Variants in USH2A observed in about 807,000 individuals in gnomAD.
The protein encoded by USH2A is usherin.
USH2A carries 443 observed loss-of-function variants against 538.9 expected under a neutral mutation model. The observed-to-expected ratio is 0.82, with a 90% CI of 0.76 to 0.89. USH2A has a LOEUF of 0.89. USH2A is among the 40% of genes least tolerant of loss of function. USH2A has a pLI of 0.00. For missense variants in USH2A, 6,633 were observed against 6,324.8 expected (o/e 1.05, Z -1.65); for synonymous variants, 2,413 against 2,273.5 (o/e 1.06, Z -1.75).
At chr1:215,890,243 T>C (rs1415535597) in intron 40 of USH2A, among the ~76,000 whole-genome samples, 2 of 152,238 alleles carry the variant, frequency 1.3e-5, no homozygotes, top group Non-Finnish European at 2.9e-5. Context: ...TTAGATTTTA[T>C]TGAAAATCTT....
intron 47 of USH2A, among the ~76,000 whole-genome samples, chr1:215,828,159 A>G (rs544186758): frequency 6.6e-6 from 1 of 152,242 alleles, no homozygotes; most frequent in Non-Finnish European, 1.5e-5. Flanking sequence ...TTAAAAATAT[A>G]GGGGGATGCC....
intron 44 of USH2A, among the ~76,000 whole-genome samples, chr1:215,857,445 C>A (rs749205166): frequency 3.9e-5 from 6 of 152,140 alleles, no homozygotes; most frequent in Non-Finnish European, 7.3e-5. Context: ...GCCTGGGAAG[C>A]ATATGGTAGC....
chr1:215,663,579 T>C (rs1657511147), intron 64 of USH2A, among the ~76,000 whole-genome samples: 1 of 152,128 alleles, frequency 6.6e-6, no homozygotes, highest in African/African-American at 2.4e-5. Flanking sequence ...GCATACCTCA[T>C]GCAGCCCTGC....
chr1:215,653,747 G>A (rs150256541), intron 64 of USH2A, among the ~76,000 whole-genome samples: 1 of 152,050 alleles, frequency 6.6e-6, no homozygotes, highest in South Asian at 2.1e-4. Flanking sequence ...TCTATGCCCG[G>A]CTAAGCAAGA....
chr1:216,402,490 A>C (rs2039323856), intron 3 of USH2A, among the ~76,000 whole-genome samples: 1 of 152,048 alleles, frequency 6.6e-6, no homozygotes, highest in South Asian at 2.1e-4. Flanking sequence ...AACAAGGCCA[A>C]CCCTTCTTTC....
chr1:215,934,818 A>C lies in USH2A; in HGVS notation c.7121-23T>G, dbSNP rs111736192. Reference sequence around the variant, plus strand: ...CTACTGATTAAAAAAGAAAATTATTAAAATAAATACATATTTAAGAATTCA... The same window carrying C: ...CTACTGATTAAAAAAGAAAATTATTCAAATAAATACATATTTAAGAATTCA... On this transcript the variant is annotated intron_variant, in intron 37 of 71. Coordinates refer to ENST00000307340, the MANE Select transcript of USH2A (RefSeq NM_206933.4). 646 of 1,570,220 alleles carry C rather than the reference A, an allele frequency of 4.1e-4. 11 individuals are homozygous for C. In the African/African-American group the frequency reaches 6.2e-3, roughly 15 times the overall value.
chr1:216,341,225 T>C (rs1014355840), intron 4 of USH2A, among the ~76,000 whole-genome samples: 4 of 152,042 alleles, frequency 2.6e-5, no homozygotes, highest in African/African-American at 9.7e-5. Context: ...AACCAAATCA[T>C]GAATGAACTC....
chr1:216,017,690 T>C (rs1668750079), intron 32 of USH2A, among the ~76,000 whole-genome samples: 1 of 152,184 alleles, frequency 6.6e-6, no homozygotes, highest in South Asian at 2.1e-4. Context: ...TCAAATATCG[T>C]AGTGAAGATT....
At chr1:215,731,662 C>T (rs183338432) in intron 60 of USH2A, among the ~76,000 whole-genome samples, 112 of 152,294 alleles carry the variant, frequency 7.4e-4, no homozygotes, top group Non-Finnish European at 1.3e-3. Context: ...AGTCACACTT[C>T]TGTGGTCTCA....
chr1:216,351,795 A>C (rs1488616037), intron 4 of USH2A, among the ~76,000 whole-genome samples: 1 of 152,114 alleles, frequency 6.6e-6, no homozygotes, highest in Non-Finnish European at 1.5e-5. Flanking sequence ...AGGATTCAAA[A>C]TCTGGATATA....
Position 215,844,383 on chromosome 1 carries a change from C to T in USH2A, c.9169G>A (p.Val3057Ile). The T allele has an allele frequency of 6.2e-7, 1 of 1,613,732 alleles. No individual in the cohort carries two copies. The highest frequency in any genetic ancestry group is 1.7e-5 in the Admixed American group (1 of 59,902). ...CCAGTCTTGTAGAGCTTATTATTTA[C>T]ATAGATAGAATACTCAGTGACAACA... ...NGVVTEYSIY[V>I]NNKLYKTGMN... is the part of the protein sequence containing the mutation. Residue 3057 changes from valine to isoleucine, a missense_variant, in exon 46 of 72, where the codon GTA becomes ATA. Coordinates refer to ENST00000307340, the MANE Select transcript of USH2A (RefSeq NM_206933.4).
intron 11 of USH2A, among the ~76,000 whole-genome samples, chr1:216,285,446 G>A (rs1222952783): frequency 6.6e-6 from 1 of 152,248 alleles, no homozygotes; most frequent in Non-Finnish European, 1.5e-5. Context: ...GAGGATGTAT[G>A]GAAATGCCTG....
intron 4 of USH2A, among the ~76,000 whole-genome samples, chr1:216,332,856 G>C (rs1003576863): frequency 6.6e-6 from 1 of 152,036 alleles, no homozygotes; most frequent in African/African-American, 2.4e-5. Context: ...ACTCTGGAAA[G>C]GGAAATAATC....
chr1:215,896,896 A>G (rs893374666), intron 40 of USH2A, among the ~76,000 whole-genome samples: 1 of 152,152 alleles, frequency 6.6e-6, no homozygotes, highest in African/African-American at 2.4e-5. Context: ...TAAACACTAC[A>G]CTGACCAAAT....
chr1:215,813,845 C>T lies in USH2A; in HGVS notation c.9630G>A (p.Lys3210=). 1 of 1,613,912 alleles carries T rather than the reference C, an allele frequency of 6.2e-7. No individual in the cohort carries two copies. The highest frequency in any genetic ancestry group is 1.1e-5 in the South Asian group (1 of 91,082). Residue 3210 remains lysine (K), a synonymous_variant, in exon 49 of 72, where the codon AAG becomes AAA. Transcript: ENST00000307340. The part of the protein sequence containing the change: ...PKPGHRCCEE[K]YIPFVLNSTG... ...TAGAATTCAGAACAAACGGGATATACTTTTCTTCACAACAGCGATGTCCAG... is the reference window on the plus strand; with the variant it reads ...TAGAATTCAGAACAAACGGGATATATTTTTCTTCACAACAGCGATGTCCAG...
At position 216,124,264 on chromosome 1, in the gene USH2A, C is replaced by T. The variant is rs570515167; in HGVS notation, c.4628-27051G>A. Among the ~76,000 whole-genome samples, 269 of 152,006 alleles carry T rather than the reference C, an allele frequency of 1.8e-3. 2 individuals carry two copies. The highest frequency in any genetic ancestry group is 0.012 in the South Asian group (60 of 4,822). On this transcript the variant is annotated intron_variant, in intron 21 of 71. Transcript: ENST00000307340. ...TCAGTGTAATGAGCTGAAAACACTG[C>T]GAATTCAGACAACAATATATTAGCC...
At chr1:215,766,115 C>G (rs763356051) in intron 56 of USH2A, among the ~76,000 whole-genome samples, 1 of 152,188 alleles carries the variant, frequency 6.6e-6, no homozygotes, top group Non-Finnish European at 1.5e-5. Context: ...TTGTACATCT[C>G]TGTACATCAC....
intron 32 of USH2A, among the ~76,000 whole-genome samples, chr1:216,045,236 C>T (rs984640951): frequency 5.9e-5 from 9 of 152,114 alleles, no homozygotes; most frequent in Admixed American, 3.3e-4. Flanking sequence ...TAATGTCTCA[C>T]ATGAGAGTCA....
intron 3 of USH2A, among the ~76,000 whole-genome samples, chr1:216,391,891 T>C (rs2039115229): frequency 6.6e-6 from 1 of 152,196 alleles, no homozygotes; most frequent in African/African-American, 2.4e-5. Flanking sequence ...GTGCATATTT[T>C]CAAACAAGAA....
Sources: gnomAD v4.1 joint callset for allele counts (sites outside exome capture counted in the v4.1 genomes callset) on GRCh38, gnomAD v4.1.1 for gene constraint, MANE v1.5 for transcripts, NCBI Gene and HGNC (gene_info 2026-07-23, HGNC 2026-07-21) for gene names.